Variants in PLXNA2 observed in about 807,000 individuals in gnomAD.
PLXNA2 encodes plexin-A2.
PLXNA2 carries 91 observed loss-of-function variants against 193.5 expected under a neutral mutation model. The ratio of observed to expected loss-of-function variants is 0.47; its 90% CI spans 0.40 to 0.56. The LOEUF (loss-of-function observed/expected upper bound fraction) is 0.56, where lower values mean the gene tolerates loss of function less well. Among genes scored for constraint, PLXNA2 ranks in the 20% least tolerant of loss-of-function variants. The pLI, the probability that PLXNA2 is intolerant of heterozygous loss-of-function variation, is 0.00. For synonymous variants in PLXNA2, 997 were observed against 1,027.3 expected (o/e 0.97, Z 0.56); for missense variants, 1,995 against 2,503.2 (o/e 0.80, Z 4.33).
At chr1:208,215,636 T>C (rs192738367) in intron 2 of PLXNA2, among the ~76,000 whole-genome samples, 11 of 150,928 alleles carry the variant, frequency 7.3e-5, no homozygotes, top group African/African-American at 2.4e-4. Flanking sequence ...GGATGGATGA[T>C]GGATGGATGG....
At position 208,217,977 on chromosome 1, in the gene PLXNA2, CT is replaced by C. The variant is rs778056767; in HGVS notation, c.-56del. 6.3e-6 allele frequency: 10 copies of C among 1,585,102 alleles called. No homozygotes were observed. The Middle Eastern group carries it at 8.4e-4, about 133-fold the overall frequency. ...TCCTGTGTGTGCTCATCTGCTCCAC[CT>C]TCCCCGGTTGGCCCTCACATGATTC... On this transcript the variant is annotated 5_prime_UTR_variant, in exon 2 of 32. Transcript: ENST00000367033. The surrounding 1 kb of genome is among the most constrained non-coding windows in gnomAD (Gnocchi z 4.7).
intron 13 of PLXNA2, among the ~76,000 whole-genome samples, chr1:208,055,724 C>T (rs1665409396): frequency 6.6e-6 from 1 of 151,994 alleles, no homozygotes. Flanking sequence ...AGGAAGGTAA[C>T]TAAACAGAGA....
At chr1:208,212,367 A>G (rs1670990326) in intron 2 of PLXNA2, among the ~76,000 whole-genome samples, 1 of 152,210 alleles carries the variant, frequency 6.6e-6, no homozygotes, top group Non-Finnish European at 1.5e-5. Flanking sequence ...TTTTGTAGAG[A>G]GCTGCTGCTC....
rs377482177 is a variant in PLXNA2, at chr1:208,098,704, C to G, written c.1731+142G>C. ...GCCCTTTACAATAGGCATTGCCATACGTTTGCTATAAACATAAAGTCTCCT... is the reference window on the plus strand; with the variant it reads ...GCCCTTTACAATAGGCATTGCCATAGGTTTGCTATAAACATAAAGTCTCCT... On this transcript the variant is annotated intron_variant, in intron 6 of 31. Transcript: ENST00000367033. The G allele has an allele frequency of 6.4e-5, 58 of 902,476 alleles. No homozygotes were observed. The African/African-American group carries it at 8.0e-4, about 12-fold the overall frequency. The allele number at this position is 902,476 out of a possible 1,614,324, so 55.9% of individuals were successfully genotyped here.
rs1306770053 is a variant in PLXNA2 at position 208,097,309 on chromosome 1, T to A, written c.1732-426A>T. Among the ~76,000 whole-genome samples, 5 of 152,186 alleles carry A rather than the reference T, an allele frequency of 3.3e-5. No homozygotes were observed. In the South Asian group the frequency reaches 8.3e-4, roughly 25 times the overall value. ...CTCATGGGAGTAAATATCACCAACCTGGAGGTTTACCAGGAGCTCACTAGG... is the reference window on the plus strand; with the variant it reads ...CTCATGGGAGTAAATATCACCAACCAGGAGGTTTACCAGGAGCTCACTAGG... On this transcript the variant is annotated intron_variant, in intron 6 of 31. Coordinates refer to ENST00000367033, the MANE Select transcript of PLXNA2 (RefSeq NM_025179.4).
intron 3 of PLXNA2, among the ~76,000 whole-genome samples, chr1:208,209,166 T>C (rs1379782107): frequency 1.3e-5 from 2 of 152,160 alleles, no homozygotes; most frequent in Non-Finnish European, 2.9e-5. Flanking sequence ...TTTGGTATCA[T>C]GAGAACCAGA....
At chr1:208,048,121 G>C (rs1014732378) in intron 17 of PLXNA2, among the ~76,000 whole-genome samples, 1 of 152,146 alleles carries the variant, frequency 6.6e-6, no homozygotes, top group Non-Finnish European at 1.5e-5. Flanking sequence ...CCCTAGACCA[G>C]GCTCCTCTAT....
At chr1:208,128,876 T>C (rs746248244) in intron 4 of PLXNA2, among the ~76,000 whole-genome samples, 4 of 152,024 alleles carry the variant, frequency 2.6e-5, no homozygotes, top group African/African-American at 7.2e-5. Flanking sequence ...TAATTTTTTG[T>C]ATTTTTAGTA....
intron 3 of PLXNA2, among the ~76,000 whole-genome samples, chr1:208,148,987 C>A (rs778620647): frequency 2.9e-4 from 44 of 152,206 alleles, no homozygotes; most frequent in Admixed American, 2.2e-3. Context: ...GAGGATGAGA[C>A]TTTTGACACA....
intron 26 of PLXNA2, among the ~76,000 whole-genome samples, chr1:208,035,027 C>T (rs1219624784): frequency 1.3e-5 from 2 of 151,918 alleles, no homozygotes; most frequent in African/African-American, 4.8e-5. Flanking sequence ...TTTATTTTTA[C>T]CTTTTTAATG....
chr1:208,054,340 G>C (rs1031139495), intron 14 of PLXNA2, 81 bp downstream of exon 14: 10 of 920,976 alleles, frequency 1.1e-5, no homozygotes, highest in Non-Finnish European at 1.8e-5. Flanking sequence ...GTGGAGGGGA[G>C]TGGGGGCTTC....
At chr1:208,194,374 G>C (rs1479348711) in intron 3 of PLXNA2, among the ~76,000 whole-genome samples, 1 of 149,362 alleles carries the variant, frequency 6.7e-6, no homozygotes, top group Non-Finnish European at 1.5e-5. Flanking sequence ...GTTTTATGCA[G>C]TGCTTAGGCT....
rs1186519885 is a variant in PLXNA2, at chr1:208,142,314, G to A, written c.1506+15C>T. 6.4e-7 allele frequency: 1 copy of A among 1,572,606 alleles called. No individual in the cohort carries two copies. The highest frequency in any genetic ancestry group is 8.6e-7 in the Non-Finnish European group (1 of 1,160,654). On this transcript the variant is annotated intron_variant, in intron 4 of 31. Transcript: ENST00000367033. ...TCTTGGAGTTTGGAAAGCAGAGATG[G>A]ATGTTAGCACTTACCTGTCTCTCAG...
chr1:208,054,645 G>A (rs766104465), intron 13 of PLXNA2, 107 bp from the exon 14 acceptor site: 9 of 768,482 alleles, frequency 1.2e-5, no homozygotes, highest in Non-Finnish European at 2.1e-5. Flanking sequence ...TTGCAATAAT[G>A]CCAGACCAAG....
At chr1:208,054,998 G>A (rs2785625) in intron 13 of PLXNA2, among the ~76,000 whole-genome samples, 146,869 of 152,272 alleles carry the variant, frequency 0.96, 71,075 homozygotes, top group East Asian at 1. Flanking sequence ...AGCCGATTCA[G>A]TTGTGGTTTG....
At chr1:208,029,100 C>A in intron 29 of PLXNA2, 58 bp from the exon 30 acceptor site, 1 of 1,597,456 alleles carries the variant, frequency 6.3e-7, no homozygotes, top group Admixed American at 1.7e-5. Context: ...CCTTCTGCTG[C>A]CCACTGATAT....
At chr1:208,036,673 G>C (rs1306420089) in intron 26 of PLXNA2, among the ~76,000 whole-genome samples, 2 of 152,198 alleles carry the variant, frequency 1.3e-5, no homozygotes, top group African/African-American at 4.8e-5. Context: ...AATACTCCCT[G>C]CTGTCCCCTG....
At chr1:208,191,113 T>C (rs184012783) in intron 3 of PLXNA2, among the ~76,000 whole-genome samples, 3 of 152,354 alleles carry the variant, frequency 2.0e-5, no homozygotes, top group Admixed American at 6.5e-5. Context: ...TGAATTTCTG[T>C]GTATGAGATG....
chr1:208,238,192 C>G (rs1474193806), intron 1 of PLXNA2, among the ~76,000 whole-genome samples: 1 of 152,084 alleles, frequency 6.6e-6, no homozygotes, highest in Non-Finnish European at 1.5e-5. Context: ...TTGCGGGGAT[C>G]AGAGGAGACA....
Sources: gnomAD v4.1 joint callset for allele counts (sites outside exome capture counted in the v4.1 genomes callset) on GRCh38, gnomAD v4.1.1 for gene constraint, Gnocchi (gnomAD v3.1) non-coding constraint, MANE v1.5 for transcripts, NCBI Gene and HGNC (gene_info 2026-07-23, HGNC 2026-07-21) for gene names.